The following SYCP1 variants were observed in gnomAD, a reference collection of about 807,000 sequenced individuals.
The protein encoded by SYCP1 is synaptonemal complex protein 1.
Under a neutral mutation model 153.1 loss-of-function variants are expected in SYCP1, and 64 were observed. The ratio of observed to expected loss-of-function variants is 0.42; its 90% CI spans 0.34 to 0.51. The LOEUF is 0.51. SYCP1 is among the 20% of genes least tolerant of loss of function. SYCP1 has a pLI of 0.06. For synonymous variants in SYCP1, 384 were observed against 341.8 expected (o/e 1.12, Z -1.36); for missense variants, 997 against 1,049.0 (o/e 0.95, Z 0.68).
chr1:114,912,622 T>G (rs1051605941), intron 18 of SYCP1, among the ~76,000 whole-genome samples: 3 of 151,968 alleles, frequency 2.0e-5, no homozygotes, highest in African/African-American at 7.2e-5. Flanking sequence ...AATATCTTAA[T>G]TAAACACAGC....
Position 114,927,613 on chromosome 1 carries a change from A to G in SYCP1, c.1926+1050A>G, listed in dbSNP as rs145829705. 6.2e-3 allele frequency among the ~76,000 whole-genome samples: 939 copies of G among 152,296 alleles called. 9 individuals are homozygous for G. The highest frequency in any genetic ancestry group is 0.021 in the African/African-American group (882 of 41,560). ...AAAAACCAAAACCAAAACAAAAACC[A>G]AATGGTCCTAATAGTAGATTGAATA... On this transcript the variant is annotated intron_variant, in intron 23 of 31. Coordinates refer to ENST00000369522, the MANE Select transcript of SYCP1 (RefSeq NM_003176.4).
chr1:114,907,381 T>TTGTTTTGTTCCTC (rs1553193066), intron 16 of SYCP1, among the ~76,000 whole-genome samples: 1 of 152,172 alleles, frequency 6.6e-6, no homozygotes, highest in Admixed American at 6.5e-5. Flanking sequence ...GTTTGCTCCT[T>TTGTTTTGTTCCTC]TGTTTTGTTC....
Position 114,878,190 on chromosome 1 carries a change from G to C in SYCP1, c.898G>C (p.Glu300Gln). ...ATCCAGAGATAAAGTTAATCAATTAGAGGAAAAGACAAGTAAGAGTTTATA... is the reference window on the plus strand; with the variant it reads ...ATCCAGAGATAAAGTTAATCAATTACAGGAAAAGACAAGTAAGAGTTTATA... ...EESRDKVNQLEEKTKLQSENL... is the reference protein window; with the variant it reads ...EESRDKVNQLQEKTKLQSENL... Residue 300 changes from glutamate (E) to glutamine (Q), a missense_variant, in exon 12 of 32, where the codon GAG (glutamate) becomes CAG (glutamine). By Grantham distance (29) the Glu-to-Gln change is conservative (BLOSUM62 2). Transcript: ENST00000369522. 9 of 1,544,466 alleles carry C rather than the reference G, an allele frequency of 5.8e-6. No individual in the cohort carries two copies. Among genetic ancestry groups the C allele is most frequent in the Non-Finnish European group, 8.0e-6 (9 of 1,126,580 alleles).
rs925925776 is a variant in SYCP1, at chr1:114,981,016, T to C, written c.2383-320T>C. Reference sequence around the variant, plus strand: ...GTTCTCATGATTTAGCTCCCACTTATAAATGAGTCCATGTGGTATTTGGCT... The same window carrying C: ...GTTCTCATGATTTAGCTCCCACTTACAAATGAGTCCATGTGGTATTTGGCT... On this transcript the variant is annotated intron_variant, in intron 28 of 31. Transcript: ENST00000369522. Among the ~76,000 whole-genome samples the C allele has an allele frequency of 3.3e-5, 5 of 151,950 alleles. No individual in the cohort carries two copies. The East Asian group carries it at 7.8e-4, about 24-fold the overall frequency.
intron 23 of SYCP1, among the ~76,000 whole-genome samples, chr1:114,928,251 T>A (rs574794100): frequency 3.1e-4 from 47 of 152,170 alleles, no homozygotes; most frequent in African/African-American, 1.1e-3. Flanking sequence ...CATATCTTAG[T>A]CAAAGTGCTA....
chr1:114,994,944 G>A lies in SYCP1; in HGVS notation c.2856G>A (p.Arg952=). 1.2e-6 allele frequency: 2 copies of A among 1,609,348 alleles called. No homozygotes were observed. Among genetic ancestry groups the A allele is most frequent in the South Asian group, 1.1e-5 (1 of 90,624 alleles). The stretch of plus-strand genomic sequence containing the variant: ...AGTTTGGAGCTATAAGAAAAATGCG[G>A]GAGGACCGTTGGGCTGTAATTGCTA... The part of the protein sequence containing the change: ...TLKFGAIRKM[R]EDRWAVIAKM... Residue 952 remains arginine (R), a synonymous_variant, in exon 32 of 32, where the codon CGG becomes CGA. Coordinates refer to ENST00000369522, the MANE Select transcript of SYCP1 (RefSeq NM_003176.4).
At chr1:114,912,167 T>TA (rs1350551426) in intron 18 of SYCP1, among the ~76,000 whole-genome samples, 1 of 151,986 alleles carries the variant, frequency 6.6e-6, no homozygotes, top group Non-Finnish European at 1.5e-5. Flanking sequence ...CCTTCCTTTT[T>TA]ATCTAATTCT....
chr1:114,921,592 T>C (rs967673106), intron 20 of SYCP1, among the ~76,000 whole-genome samples: 3 of 151,640 alleles, frequency 2.0e-5, no homozygotes, highest in African/African-American at 7.3e-5. Flanking sequence ...GGCAGGAGAA[T>C]TGCTTGAATC....
At chr1:114,920,861 G>C (rs1313720884) in intron 20 of SYCP1, among the ~76,000 whole-genome samples, 1 of 151,990 alleles carries the variant, frequency 6.6e-6, no homozygotes, top group Non-Finnish European at 1.5e-5. Flanking sequence ...TTCAGTCTCT[G>C]TGTATCTTTA....
intron 16 of SYCP1, among the ~76,000 whole-genome samples, chr1:114,904,919 C>G (rs1368975336): frequency 6.6e-6 from 1 of 152,148 alleles, no homozygotes; most frequent in African/African-American, 2.4e-5. Context: ...GTGTGAAACG[C>G]TTTTTCTGTG....
chr1:114,869,548 TG>T (rs1055011704), intron 8 of SYCP1, among the ~76,000 whole-genome samples: 3 of 152,194 alleles, frequency 2.0e-5, no homozygotes, highest in Non-Finnish European at 2.9e-5. Context: ...AGGTGATTGA[TG>T]GTTTTATTGA....
At chr1:114,906,256 C>T (rs186078639) in intron 16 of SYCP1, among the ~76,000 whole-genome samples, 22 of 152,164 alleles carry the variant, frequency 1.4e-4, no homozygotes, top group East Asian at 1.9e-4. Context: ...TGTGAGCCAC[C>T]GTGACCGGCC....
intron 23 of SYCP1, among the ~76,000 whole-genome samples, chr1:114,935,955 C>T (rs995260216): frequency 2.0e-5 from 3 of 152,112 alleles, no homozygotes; most frequent in African/African-American, 4.8e-5. Flanking sequence ...GGAGTCACAG[C>T]CGAATTCTAC....
At chr1:114,895,691 A>G (rs1358376713) in intron 16 of SYCP1, among the ~76,000 whole-genome samples, 182 bp downstream of exon 16, 8 of 152,096 alleles carry the variant, frequency 5.3e-5, no homozygotes, top group Non-Finnish European at 1.2e-4. Flanking sequence ...TACCTTGTTA[A>G]CTGTCTTCAT....
At chr1:114,882,185 AAAACAAACAAACAAAC>A (rs371923005) in intron 12 of SYCP1, among the ~76,000 whole-genome samples, 3 of 151,592 alleles carry the variant, frequency 2.0e-5, no homozygotes, top group African/African-American at 4.9e-5. Context: ...ACCCTGTCTC[AAAACAAACAAACAAAC>A]AAACAAACAA....
chr1:114,985,551 C>T (rs1488714188), intron 30 of SYCP1, among the ~76,000 whole-genome samples: 1 of 151,704 alleles, frequency 6.6e-6, no homozygotes, highest in Non-Finnish European at 1.5e-5. Flanking sequence ...TGACAAAATC[C>T]CAGTTAAATT....
At chr1:114,911,712 G>T in intron 18 of SYCP1, 130 bp downstream of exon 18, 1 of 380,010 alleles carries the variant, frequency 2.6e-6, no homozygotes, top group Non-Finnish European at 4.2e-6. Context: ...TACTCTTAAG[G>T]ATCTAAATAA....
chr1:114,921,053 C>T (rs1038419553), intron 20 of SYCP1, among the ~76,000 whole-genome samples: 2 of 151,910 alleles, frequency 1.3e-5, no homozygotes, highest in African/African-American at 4.8e-5. Flanking sequence ...GTGGTCTCTT[C>T]TTTCTTTCCT....
chr1:114,863,606 G>A (rs536952090), intron 8 of SYCP1, among the ~76,000 whole-genome samples: 7 of 152,106 alleles, frequency 4.6e-5, no homozygotes, highest in African/African-American at 1.7e-4. Context: ...TTGTTTCCTG[G>A]CATTTTAATA....
Sources: gnomAD v4.1 joint callset for allele counts (sites outside exome capture counted in the v4.1 genomes callset) on GRCh38, gnomAD v4.1.1 for gene constraint, MANE v1.5 for transcripts, NCBI Gene and HGNC (gene_info 2026-07-23, HGNC 2026-07-21) for gene names.